VPS13C: variants seen among roughly 807,000 people sequenced by gnomAD.
VPS13C encodes intermembrane lipid transfer protein VPS13C.
Under a neutral mutation model 456.8 loss-of-function variants are expected in VPS13C, and 358 were observed. The ratio of observed to expected loss-of-function variants is 0.78; its 90% confidence interval spans 0.72 to 0.86. VPS13C has a LOEUF of 0.86. Among genes scored for constraint, VPS13C ranks in the 40% least tolerant of loss-of-function variants. VPS13C has a pLI of 0.00. For synonymous variants in VPS13C, 1,578 were observed against 1,486.7 expected (o/e 1.06, Z -1.41); for missense variants, 4,818 against 4,385.4 (o/e 1.10, Z -2.79).
chr15:61,945,601 C>G, intron 45 of VPS13C, 114 bp downstream of exon 45: 1 of 711,198 alleles, frequency 1.4e-6, no homozygotes, highest in Admixed American at 2.8e-5. Flanking sequence ...CTGTTCAGCA[C>G]TCAGGTGCTC....
rs1346348569 is a variant in VPS13C at position 62,007,333 on chromosome 15, G to A, written c.1265C>T (p.Ser422Leu). Reference protein sequence around the residue: ...YKNKLTQSKVSEEIQKEIQDL... With the variant: ...YKNKLTQSKVLEEIQKEIQDL... The stretch of plus-strand genomic sequence containing the variant: ...CTGAATTTCTTTCTGTATTTCTTCT[G>A]AGACTTTAGACTGTGTTAACTTGTT... Residue 422 changes from serine to leucine, a missense_variant, in exon 15 of 85, where the codon TCA becomes TTA. By Grantham distance (145) the Ser-to-Leu change is moderately radical (BLOSUM62 -2). Around this residue, in one of 3 missense-constraint regions of VPS13C, gnomAD observed 4,552 missense variants for 4,130.6 expected, o/e 1.10. Coordinates refer to ENST00000644861, the MANE Select transcript of VPS13C (RefSeq NM_020821.3). 4 of 1,607,924 alleles carry A rather than the reference G, an allele frequency of 2.5e-6. No homozygotes were observed. Among genetic ancestry groups the A allele is most frequent in the Non-Finnish European group, 3.4e-6 (4 of 1,177,964 alleles).
chr15:61,953,771 T>C (rs998802317), intron 38 of VPS13C, among the ~76,000 whole-genome samples: 1 of 152,156 alleles, frequency 6.6e-6, no homozygotes, highest in African/African-American at 2.4e-5. Context: ...TTCATTGAAA[T>C]GTCTCCTCCT....
intron 37 of VPS13C, among the ~76,000 whole-genome samples, chr15:61,955,568 T>C (rs1192643136): frequency 6.6e-6 from 1 of 152,186 alleles, no homozygotes; most frequent in African/African-American, 2.4e-5. Context: ...CAAGGTTTCC[T>C]AACTATCACC....
At chr15:62,026,083 A>ATTTTTTTTTTTTTT (rs748061716) in intron 6 of VPS13C, among the ~76,000 whole-genome samples, 1 of 78,504 alleles carries the variant, frequency 1.3e-5, no homozygotes, top group Admixed American at 1.7e-4. Context: ...TGTTGTTTTA[A>ATTTTTTTTTTTTTT]TTGAAGTACA....
chr15:62,037,005 A>G (rs2048022582), intron 3 of VPS13C, among the ~76,000 whole-genome samples: 1 of 149,718 alleles, frequency 6.7e-6, no homozygotes, highest in Non-Finnish European at 1.5e-5. Context: ...CAAAAAAAAA[A>G]GATAGTTATA....
intron 82 of VPS13C, among the ~76,000 whole-genome samples, chr15:61,860,953 C>CTTTTTTTTTTT (rs781045840): frequency 1.1e-5 from 1 of 89,698 alleles, no homozygotes; most frequent in African/African-American, 4.2e-5. Context: ...TATTTTCTTT[C>CTTTTTTTTTTT]TTTTTTTTTT....
At chr15:61,976,107 C>A (rs1349760496) in intron 24 of VPS13C, among the ~76,000 whole-genome samples, 1 of 152,044 alleles carries the variant, frequency 6.6e-6, no homozygotes, top group Non-Finnish European at 1.5e-5. Context: ...GAATTTTCCA[C>A]ATGTGTCATC....
At position 61,852,542 on chromosome 15, in the gene VPS13C, T is replaced by C. The variant is rs1440416256; in HGVS notation, c.*1915A>G. The C allele has an allele frequency of 1.3e-5, 2 of 152,220 alleles. No homozygotes were observed. The highest frequency in any genetic ancestry group is 2.9e-5 in the Non-Finnish European group (2 of 68,030). 9.4% of individuals were successfully genotyped at this position (152,220 alleles called of 1,614,324 possible). On this transcript the variant is annotated 3_prime_UTR_variant, in exon 85 of 85. Transcript: ENST00000644861. Reference sequence around the variant, plus strand: ...AATCAAATCAAAATGTTACAAATAGTATCAGTATGATATAATTTCTTAAAT... The same window carrying C: ...AATCAAATCAAAATGTTACAAATAGCATCAGTATGATATAATTTCTTAAAT...
chr15:62,007,566 G>A, intron 14 of VPS13C, 87 bp from the exon 15 acceptor site: 2 of 1,211,144 alleles, frequency 1.7e-6, no homozygotes, highest in East Asian at 2.8e-5. Context: ...ATCTTATGCT[G>A]TCAAATTTTT....
intron 15 of VPS13C, among the ~76,000 whole-genome samples, chr15:62,001,460 G>A (rs995649597): frequency 6.6e-6 from 1 of 152,052 alleles, no homozygotes; most frequent in African/African-American, 2.4e-5. Context: ...AGCAAATTAT[G>A]TATCCAGTGT....
chr15:61,941,431 T>C (rs1254756098), intron 46 of VPS13C, among the ~76,000 whole-genome samples: 1 of 152,168 alleles, frequency 6.6e-6, no homozygotes, highest in Non-Finnish European at 1.5e-5. Context: ...ACGAAGTTTT[T>C]TCCCACCAAA....
chr15:61,863,401 C>A, intron 82 of VPS13C, 39 bp downstream of exon 82: 1 of 1,515,444 alleles, frequency 6.6e-7, no homozygotes. Flanking sequence ...ACCTATGCAA[C>A]TAAGTACTAT....
intron 18 of VPS13C, among the ~76,000 whole-genome samples, chr15:61,989,706 T>C (rs905599368): frequency 1.3e-5 from 2 of 152,148 alleles, no homozygotes; most frequent in South Asian, 4.1e-4. Context: ...AAAACCGTAA[T>C]ATTACAATTA....
Position 61,909,120 on chromosome 15 carries a change from C to T in VPS13C, c.8850G>A (p.Gly2950=), listed in dbSNP as rs1160155904. Residue 2950 remains glycine (G), a synonymous_variant, in exon 65 of 85, where the codon GGG becomes GGA. Transcript: ENST00000644861. Reference sequence around the variant, plus strand: ...CAGTGTTTACATCCACCAAGATACCCCCATTCTATTGTAGAAAAAAAAAAA... The same window carrying T: ...CAGTGTTTACATCCACCAAGATACCTCCATTCTATTGTAGAAAAAAAAAAA... ...GTLLSLEDLN[G]GILVDVNTAE... 1.9e-6 allele frequency: 3 copies of T among 1,604,184 alleles called. No individual in the cohort carries two copies. The highest frequency in any genetic ancestry group is 2.6e-6 in the Non-Finnish European group (3 of 1,176,240).
intron 67 of VPS13C, among the ~76,000 whole-genome samples, chr15:61,889,458 G>C (rs1048008503): frequency 3.3e-5 from 5 of 151,936 alleles, no homozygotes; most frequent in Non-Finnish European, 5.9e-5. Flanking sequence ...CCAAACGTGT[G>C]CTTCTTGATA....
At chr15:62,008,920 T>C (rs914586735) in intron 13 of VPS13C, among the ~76,000 whole-genome samples, 159 bp from the exon 14 acceptor site, 4 of 152,170 alleles carry the variant, frequency 2.6e-5, no homozygotes, top group African/African-American at 9.7e-5. Flanking sequence ...TAAGATGCTA[T>C]CAATTACAAG....
chr15:62,010,827 T>C (rs1466304991), intron 12 of VPS13C, among the ~76,000 whole-genome samples: 1 of 152,214 alleles, frequency 6.6e-6, no homozygotes, highest in African/African-American at 2.4e-5. Flanking sequence ...TGGAATCCCA[T>C]GCTTCTAGGT....
At chr15:61,987,463 T>C (rs1347342304) in intron 18 of VPS13C, among the ~76,000 whole-genome samples, 1 of 152,172 alleles carries the variant, frequency 6.6e-6, no homozygotes, top group Non-Finnish European at 1.5e-5. Context: ...GCAGGGGAAC[T>C]CCCATGTGTA....
In VPS13C at chr15:61,920,280, C is replaced by T; in HGVS notation, c.7264G>A (p.Ala2422Thr). The stretch of plus-strand genomic sequence containing the variant: ...ACAGCATTTTTTACCGTAAAAGGAG[C>T]TCTGTCCTTTAAAGAGTAGTCAAAA... Reference protein sequence around the residue: ...STFDYSLKDRAPFTVKNAVGV... With the variant: ...STFDYSLKDRTPFTVKNAVGV... The change falls in exon 57 of 85, where the codon GCT becomes ACT. Residue 2422 changes from alanine (A) to threonine (T), a missense_variant. Around this residue, in one of 3 missense-constraint regions of VPS13C, gnomAD observed 4,552 missense variants for 4,130.6 expected, o/e 1.10. Transcript: ENST00000644861. 3 of 1,612,908 alleles carry T rather than the reference C, an allele frequency of 1.9e-6. No homozygotes were observed. Among genetic ancestry groups the T allele is most frequent in the Non-Finnish European group, 1.7e-6 (2 of 1,179,182 alleles).
Sources: gnomAD v4.1 joint callset for allele counts (sites outside exome capture counted in the v4.1 genomes callset) on GRCh38, gnomAD v4.1.1 for gene constraint, gnomAD v4.1.1 regional missense constraint, MANE v1.5 for transcripts, NCBI Gene and HGNC (gene_info 2026-07-23, HGNC 2026-07-21) for gene names.